DOCK10: variants seen among roughly 807,000 people sequenced by gnomAD.
DOCK10 encodes dedicator of cytokinesis 10.
A neutral mutation model predicts 280.1 loss-of-function variants in DOCK10; 145 were observed. That is an observed-to-expected ratio of 0.52 (90% CI 0.45 to 0.59). The LOEUF (loss-of-function observed/expected upper bound fraction) is 0.59. DOCK10 is among the 20% of genes least tolerant of loss of function. The pLI is 0.00. For missense variants in DOCK10, 2,368 were observed against 2,651.7 expected, an observed-to-expected ratio of 0.89 and a Z score of 2.35; for synonymous variants, 915 against 942.2, an observed-to-expected ratio of 0.97 and a Z score of 0.53.
intron 3 of DOCK10, among the ~76,000 whole-genome samples, chr2:224,905,501 G>A (rs1700570437): frequency 6.6e-6 from 1 of 150,414 alleles, no homozygotes; most frequent in African/African-American, 2.5e-5. Flanking sequence ...CACCCGCCTC[G>A]GCCTCCCAAA....
chr2:224,847,242 A>G (rs1696425565), intron 19 of DOCK10, among the ~76,000 whole-genome samples: 1 of 152,240 alleles, frequency 6.6e-6, no homozygotes, highest in South Asian at 2.1e-4. Flanking sequence ...CACGTACACC[A>G]TCATTTCATT....
At chr2:224,843,224 T>G (rs1696092450) in intron 22 of DOCK10, among the ~76,000 whole-genome samples, 1 of 152,122 alleles carries the variant, frequency 6.6e-6, no homozygotes, top group African/African-American at 2.4e-5. Context: ...CACTGGGTCT[T>G]GCGGGAACTA....
At chr2:225,040,705 A>G (rs1031249149) in intron 1 of DOCK10, among the ~76,000 whole-genome samples, 1 of 152,210 alleles carries the variant, frequency 6.6e-6, no homozygotes, top group Non-Finnish European at 1.5e-5. Context: ...ATTCAGTCCA[A>G]TGAGTCAATT....
intron 11 of DOCK10, among the ~76,000 whole-genome samples, chr2:224,868,127 A>C (rs1698046477): frequency 6.6e-6 from 1 of 152,152 alleles, no homozygotes. Context: ...CATGCAAAGG[A>C]TGGAGATGGG....
chr2:224,980,867 T>A (rs1281942344), intron 1 of DOCK10, among the ~76,000 whole-genome samples: 1 of 152,202 alleles, frequency 6.6e-6, no homozygotes, highest in Non-Finnish European at 1.5e-5. Flanking sequence ...AAAGGTATTA[T>A]ATAAATCAAA....
chr2:224,889,410 TAAG>T (rs1699527187), intron 4 of DOCK10, among the ~76,000 whole-genome samples: 1 of 151,452 alleles, frequency 6.6e-6, no homozygotes, highest in African/African-American at 2.4e-5. Context: ...CCATTCCTGA[TAAG>T]AAGTGTTTTT....
At chr2:224,787,985 C>T (rs962240001) in intron 48 of DOCK10, among the ~76,000 whole-genome samples, 1 of 152,084 alleles carries the variant, frequency 6.6e-6, no homozygotes, top group African/African-American at 2.4e-5. Context: ...ATAGATGCAC[C>T]TATAAGAACC....
At chr2:224,994,117 G>A (rs1297847435) in intron 1 of DOCK10, among the ~76,000 whole-genome samples, 1 of 152,118 alleles carries the variant, frequency 6.6e-6, no homozygotes, top group Admixed American at 6.5e-5. Context: ...TAATATATAA[G>A]ATTTTTTAAA....
rs1690042374 is a variant in DOCK10 at position 224,765,682 on chromosome 2, G to T, written c.*39C>A. The T allele has an allele frequency of 1.4e-6, 2 of 1,389,562 alleles. No individual in the cohort carries two copies. Among genetic ancestry groups the T allele is most frequent in the Non-Finnish European group, 2.0e-6 (2 of 991,998 alleles). 86.1% of individuals were successfully genotyped at this position (1,389,562 alleles called of 1,614,324 possible). On this transcript the variant is annotated 3_prime_UTR_variant, in exon 56 of 56. Coordinates refer to ENST00000258390, the MANE Select transcript of DOCK10 (RefSeq NM_014689.3). Reference sequence around the variant, plus strand: ...TTCCCCGAGATTAGCTGCAAATTCAGAAAGTTCTCTTAGAGGTGGGTCTGA... The same window carrying T: ...TTCCCCGAGATTAGCTGCAAATTCATAAAGTTCTCTTAGAGGTGGGTCTGA...
intron 1 of DOCK10, among the ~76,000 whole-genome samples, chr2:225,019,710 C>T (rs895669996): frequency 6.6e-6 from 1 of 152,190 alleles, no homozygotes; most frequent in African/African-American, 2.4e-5. Context: ...CCTTTGCAAA[C>T]ACTGCCCTTC....
chr2:224,868,964 A>G (rs908822348), intron 11 of DOCK10, among the ~76,000 whole-genome samples: 2 of 152,162 alleles, frequency 1.3e-5, no homozygotes, highest in African/African-American at 4.8e-5. Flanking sequence ...ATAAATACCT[A>G]CTTTGATAAC....
intron 47 of DOCK10, among the ~76,000 whole-genome samples, chr2:224,790,172 T>C (rs1211648516): frequency 6.6e-6 from 1 of 152,238 alleles, no homozygotes; most frequent in Non-Finnish European, 1.5e-5. Context: ...AAGGTCTGTC[T>C]CTACAGATAC....
chr2:224,914,632 C>T (rs1701211479), intron 3 of DOCK10, among the ~76,000 whole-genome samples: 2 of 152,096 alleles, frequency 1.3e-5, no homozygotes, highest in South Asian at 4.1e-4. Flanking sequence ...CCTTTTAAAA[C>T]ACAATAAAGA....
At chr2:224,944,546 T>C (rs1703286933) in intron 1 of DOCK10, among the ~76,000 whole-genome samples, 1 of 152,192 alleles carries the variant, frequency 6.6e-6, no homozygotes, top group African/African-American at 2.4e-5. Flanking sequence ...GGTATTATTA[T>C]AAGCATTTTA....
At chr2:224,966,352 T>G (rs1158954927) in intron 1 of DOCK10, among the ~76,000 whole-genome samples, 1 of 138,358 alleles carries the variant, frequency 7.2e-6, no homozygotes, top group Non-Finnish European at 1.5e-5. Context: ...GATAACCTTA[T>G]TTGAAAATAA....
intron 1 of DOCK10, among the ~76,000 whole-genome samples, chr2:224,957,291 C>CCT (rs1553622560): frequency 3.4e-5 from 5 of 146,188 alleles, no homozygotes; most frequent in East Asian, 3.9e-4. Flanking sequence ...TTCCGCCCCC[C>CCT]CCCGGCTTTG....
chr2:224,913,902 GT>G (rs959729268), intron 3 of DOCK10, among the ~76,000 whole-genome samples: 1 of 150,432 alleles, frequency 6.6e-6, no homozygotes, highest in Non-Finnish European at 1.5e-5. Flanking sequence ...TAATTTTTTG[GT>G]TTTTTTTTGT....
intron 1 of DOCK10, chr2:224,946,961 A>C: frequency 6.5e-7 from 1 of 1,537,530 alleles, no homozygotes; most frequent in Non-Finnish European, 8.8e-7. Flanking sequence ...TCGTATTGCT[A>C]TAATTTGAGT....
At chr2:224,883,714 T>A (rs960218616) in intron 7 of DOCK10, among the ~76,000 whole-genome samples, 1 of 152,158 alleles carries the variant, frequency 6.6e-6, no homozygotes, top group Non-Finnish European at 1.5e-5. Context: ...TTTTTTTCCA[T>A]GACAATGTTT....
Sources: allele counts gnomAD v4.1 joint callset (sites outside exome capture counted in the v4.1 genomes callset), GRCh38; gene constraint gnomAD v4.1.1; transcripts MANE v1.5; gene names NCBI Gene and HGNC (gene_info 2026-07-23, HGNC 2026-07-21).